The following LEPR variants were observed in gnomAD, a reference collection of about 807,000 sequenced individuals.
LEPR encodes the protein leptin receptor.
In LEPR, 56 loss-of-function variants were observed where a neutral mutation model predicts 114.7. That is an observed-to-expected ratio of 0.49 (90% CI 0.39 to 0.61). The LOEUF (loss-of-function observed/expected upper bound fraction) is 0.61. LEPR is among the 20% of genes least tolerant of loss of function. LEPR has a pLI of 0.00. For missense variants in LEPR, 1,202 were observed against 1,352.9 expected (o/e 0.89, Z 1.75); for synonymous variants, 443 against 461.4 (o/e 0.96, Z 0.51).
At chr1:65,534,649 A>C (rs1176496403) in intron 2 of LEPR, among the ~76,000 whole-genome samples, 1 of 152,186 alleles carries the variant, frequency 6.6e-6, no homozygotes, top group Non-Finnish European at 1.5e-5. Context: ...AGAGAGGGAG[A>C]AAGAGAATGA....
chr1:65,514,935 G>A (rs548990286), intron 2 of LEPR, among the ~76,000 whole-genome samples: 13 of 152,308 alleles, frequency 8.5e-5, no homozygotes, highest in Admixed American at 5.9e-4. Flanking sequence ...ATAGGGATAC[G>A]CATAAGCAAT....
Position 65,618,312 on chromosome 1 carries a change from C to CCTCTTCTCTT in LEPR, c.2395+177_2395+186dup, listed in dbSNP as rs58102309. On this transcript the variant is annotated intron_variant, in intron 16 of 19. Coordinates refer to ENST00000349533, the MANE Select transcript of LEPR (RefSeq NM_002303.6). ...CTTTATCAAAACATTTAATTCTCTT[C>CCTCTTCTCTT]CTCTTCTCTTCTCTTCTCTTTTCTT... 5.8e-3 allele frequency among the ~76,000 whole-genome samples: 874 copies of CCTCTTCTCTT among 150,252 alleles called. 31 individuals carry two copies. Among genetic ancestry groups the CCTCTTCTCTT allele is most frequent in the Admixed American group, 0.043 (654 of 15,070 alleles).
chr1:65,553,667 C>T (rs1464278199), intron 2 of LEPR, among the ~76,000 whole-genome samples: 1 of 152,028 alleles, frequency 6.6e-6, no homozygotes, highest in Non-Finnish European at 1.5e-5. Context: ...GAACATGCTT[C>T]TTTAGCTCAA....
intron 2 of LEPR, among the ~76,000 whole-genome samples, chr1:65,442,672 T>C (rs1414070029): frequency 6.6e-6 from 1 of 152,210 alleles, no homozygotes; most frequent in Non-Finnish European, 1.5e-5. Context: ...TTTGTGCAAG[T>C]TTATTTGGTT....
rs1265263193 is a variant in LEPR, at chr1:65,620,017, A to G, written c.2485A>G (p.Thr829Ala). 6.2e-7 allele frequency: 1 copy of G among 1,607,846 alleles called. No individual in the cohort carries two copies. The highest frequency in any genetic ancestry group is 1.7e-5 in the Admixed American group (1 of 59,864). The change falls in exon 17 of 20, where the codon ACT becomes GCT. Residue 829 changes from threonine (T) to alanine (A), a missense_variant. Coordinates refer to ENST00000349533, the MANE Select transcript of LEPR (RefSeq NM_002303.6). ...VGKPKIINSF[T>A]QDDIEKHQSD... The stretch of plus-strand genomic sequence containing the variant: ...AAAACCAAAGATAATTAATAGTTTC[A>G]CTCAAGGTAAAAATTATAATTTTAG...
intron 16 of LEPR, among the ~76,000 whole-genome samples, chr1:65,618,503 T>G (rs893733610): frequency 1.3e-5 from 2 of 151,954 alleles, no homozygotes; most frequent in African/African-American, 4.8e-5. Flanking sequence ...TTAAAATTTT[T>G]TTTTTTTGGT....
chr1:65,432,501 C>T (rs1646499852), intron 2 of LEPR: 10 of 628,628 alleles, frequency 1.6e-5, no homozygotes, highest in Non-Finnish European at 1.2e-5. Context: ...ACATCACACC[C>T]AACTTCCTTA....
intron 16 of LEPR, among the ~76,000 whole-genome samples, chr1:65,618,824 G>C (rs1657698491): frequency 6.6e-6 from 1 of 151,970 alleles, no homozygotes. Flanking sequence ...GTTGCTTCCA[G>C]CTTTATCTTT....
At chr1:65,595,695 T>C (rs1418870677) in intron 6 of LEPR, among the ~76,000 whole-genome samples, 1 of 152,098 alleles carries the variant, frequency 6.6e-6, no homozygotes, top group East Asian at 1.9e-4. Flanking sequence ...TAATGATAAT[T>C]TCTATATATA....
At chr1:65,556,292 G>A (rs577670719) in intron 2 of LEPR, among the ~76,000 whole-genome samples, 12 of 152,206 alleles carry the variant, frequency 7.9e-5, no homozygotes, top group Middle Eastern at 3.4e-3. Context: ...CACTGAGTTC[G>A]TGGTATTTTG....
chr1:65,515,589 G>A (rs1649245852), intron 2 of LEPR, among the ~76,000 whole-genome samples: 2 of 152,128 alleles, frequency 1.3e-5, no homozygotes, highest in Admixed American at 6.5e-5. Context: ...GTATTTTAAT[G>A]TCTAAACTTT....
chr1:65,610,361 T>C, intron 14 of LEPR, 65 bp downstream of exon 14: 2 of 1,286,846 alleles, frequency 1.6e-6, no homozygotes, highest in Admixed American at 2.0e-5. Context: ...TACTTCATGG[T>C]CCATAATCCT....
At chr1:65,513,393 A>G (rs1649122441) in intron 2 of LEPR, among the ~76,000 whole-genome samples, 1 of 152,254 alleles carries the variant, frequency 6.6e-6, no homozygotes, top group South Asian at 2.1e-4. Context: ...TCACATTGAT[A>G]TGATCAAAGC....
Position 65,610,233 on chromosome 1 carries a change from A to G in LEPR, c.1932A>G (p.Glu644=), listed in dbSNP as rs765223387. ...MDIKVPMRGP[E]FWRIINGDTM... ...TTGCAGTTCCTATGAGAGGACCTGAATTTTGGAGAATAATTAATGGAGATA... is the reference window on the plus strand; with the variant it reads ...TTGCAGTTCCTATGAGAGGACCTGAGTTTTGGAGAATAATTAATGGAGATA... Residue 644 remains glutamate (E), a synonymous_variant, in exon 14 of 20, where the codon GAA becomes GAG. Transcript: ENST00000349533. 1.9e-6 allele frequency: 3 copies of G among 1,614,042 alleles called. No individual in the cohort carries two copies. Among genetic ancestry groups the G allele is most frequent in the East Asian group, 4.5e-5 (2 of 44,864 alleles).
At chr1:65,598,921 C>A in intron 8 of LEPR, 117 bp downstream of exon 8, 1 of 1,469,676 alleles carries the variant, frequency 6.8e-7, no homozygotes, top group South Asian at 1.2e-5. Flanking sequence ...AACACAGTAT[C>A]AACTTCCTTG....
chr1:65,430,826 C>T (rs1001107615), intron 2 of LEPR, among the ~76,000 whole-genome samples: 19 of 152,242 alleles, frequency 1.2e-4, no homozygotes, highest in African/African-American at 4.1e-4. Context: ...CTAAGTGAGA[C>T]GGTTGAAGCA....
chr1:65,532,958 A>G (rs1217222989), intron 2 of LEPR, among the ~76,000 whole-genome samples: 2 of 152,244 alleles, frequency 1.3e-5, no homozygotes, highest in African/African-American at 2.4e-5. Context: ...AGTGAATTGT[A>G]TGCTATAAAA....
At chr1:65,553,284 C>A (rs1484230192) in intron 2 of LEPR, among the ~76,000 whole-genome samples, 2 of 152,160 alleles carry the variant, frequency 1.3e-5, no homozygotes, top group African/African-American at 4.8e-5. Context: ...TGGGGAAGTT[C>A]TCCTGGATAA....
intron 2 of LEPR, among the ~76,000 whole-genome samples, chr1:65,448,226 T>G (rs1223769493): frequency 6.6e-6 from 1 of 152,212 alleles, no homozygotes; most frequent in Non-Finnish European, 1.5e-5. Context: ...GCTTTTATCA[T>G]GAATGTGTGT....
Sources: allele counts gnomAD v4.1 joint callset (sites outside exome capture counted in the v4.1 genomes callset), GRCh38; gene constraint gnomAD v4.1.1; transcripts MANE v1.5; gene names NCBI Gene and HGNC (gene_info 2026-07-23, HGNC 2026-07-21).